Variants in IMMP1L observed in about 807,000 individuals in gnomAD.
IMMP1L encodes the protein inner mitochondrial membrane peptidase subunit 1.
In IMMP1L, 24 loss-of-function variants were observed where a neutral mutation model predicts 21.8. The ratio of observed to expected loss-of-function variants is 1.10; its 90% CI spans 0.80 to 1.55. The LOEUF (loss-of-function observed/expected upper bound fraction) is 1.55. Among genes scored for constraint, IMMP1L ranks in the 40% most tolerant of loss-of-function variants. The pLI is 0.00. For missense variants in IMMP1L, 195 were observed against 200.7 expected (o/e 0.97, Z 0.17); for synonymous variants, 46 against 62.8 (o/e 0.73, Z 1.26).
At chr11:31,474,822 A>G (rs562691770) in intron 1 of IMMP1L, among the ~76,000 whole-genome samples, 3 of 152,304 alleles carry the variant, frequency 2.0e-5, no homozygotes, top group South Asian at 2.1e-4. Flanking sequence ...TGAAAACCTA[A>G]TATCAACCAA....
intron 2 of IMMP1L, among the ~76,000 whole-genome samples, chr11:31,461,309 G>A (rs2133659079): frequency 6.6e-6 from 1 of 152,208 alleles, no homozygotes; most frequent in South Asian, 2.1e-4. Flanking sequence ...AGATTTTCAT[G>A]GCCAGGCATG....
chr11:31,505,060 A>G (rs1337611235), intron 1 of IMMP1L, among the ~76,000 whole-genome samples: 1 of 152,200 alleles, frequency 6.6e-6, no homozygotes, highest in Non-Finnish European at 1.5e-5. Context: ...CCTTCACAGT[A>G]TCTCTGCTAT....
chr11:31,441,140 T>C (rs1340204269), intron 4 of IMMP1L, among the ~76,000 whole-genome samples: 2 of 152,160 alleles, frequency 1.3e-5, no homozygotes, highest in African/African-American at 2.4e-5. Flanking sequence ...CAGTGCATAC[T>C]ATTTAAGTAA....
intron 4 of IMMP1L, among the ~76,000 whole-genome samples, chr11:31,444,175 A>T (rs1953436429): frequency 6.6e-6 from 1 of 152,184 alleles, no homozygotes; most frequent in South Asian, 2.1e-4. Context: ...CCTCATCAAT[A>T]CAACTGAGAC....
intron 1 of IMMP1L, among the ~76,000 whole-genome samples, chr11:31,489,877 A>AT: frequency 6.6e-6 from 1 of 152,316 alleles, no homozygotes; most frequent in South Asian, 2.1e-4. Flanking sequence ...ACAATCTCAC[A>AT]TAATTGGAAG....
At chr11:31,474,670 G>A (rs989925162) in intron 1 of IMMP1L, among the ~76,000 whole-genome samples, 1 of 152,006 alleles carries the variant, frequency 6.6e-6, no homozygotes, top group Non-Finnish European at 1.5e-5. Flanking sequence ...GGGCAATAAA[G>A]CAAGACCCTG....
chr11:31,479,569 T>C (rs930234441), intron 1 of IMMP1L, among the ~76,000 whole-genome samples: 1 of 152,046 alleles, frequency 6.6e-6, no homozygotes, highest in Non-Finnish European at 1.5e-5. Context: ...AGGTGGCCAC[T>C]AGCCTTATGA....
At chr11:31,440,654 G>C (rs1270398461) in intron 4 of IMMP1L, among the ~76,000 whole-genome samples, 1 of 152,158 alleles carries the variant, frequency 6.6e-6, no homozygotes. Context: ...GCCTCCCCAA[G>C]TATTGGGATT....
At chr11:31,482,802 C>T (rs1954942635) in intron 1 of IMMP1L, among the ~76,000 whole-genome samples, 1 of 151,934 alleles carries the variant, frequency 6.6e-6, no homozygotes, top group African/African-American at 2.4e-5. Flanking sequence ...TTGCTTAAAG[C>T]TGAACATATA....
intron 4 of IMMP1L, among the ~76,000 whole-genome samples, chr11:31,443,331 A>G (rs978615039): frequency 2.0e-5 from 3 of 152,222 alleles, no homozygotes; most frequent in Admixed American, 6.5e-5. Flanking sequence ...AGCAGAAGCT[A>G]TAAACAAAAA....
intron 1 of IMMP1L, among the ~76,000 whole-genome samples, chr11:31,493,072 GGA>G (rs1565009372): frequency 2.0e-5 from 3 of 152,070 alleles, no homozygotes; most frequent in Non-Finnish European, 4.4e-5. Flanking sequence ...CTCGATACAG[GGA>G]AGCACAAATA....
chr11:31,459,012 G>C (rs1954047004), intron 3 of IMMP1L, among the ~76,000 whole-genome samples: 4 of 152,156 alleles, frequency 2.6e-5, no homozygotes, highest in Admixed American at 1.3e-4. Flanking sequence ...CTACAGTGGG[G>C]CTAGGTCTCC....
At chr11:31,493,977 T>C (rs1039748661) in intron 1 of IMMP1L, among the ~76,000 whole-genome samples, 1 of 152,210 alleles carries the variant, frequency 6.6e-6, no homozygotes, top group East Asian at 1.9e-4. Flanking sequence ...GCTGCTTTCA[T>C]GGGCTGGCTT....
intron 4 of IMMP1L, among the ~76,000 whole-genome samples, chr11:31,453,618 T>C (rs959578525): frequency 1.3e-5 from 2 of 152,190 alleles, no homozygotes; most frequent in African/African-American, 4.8e-5. Flanking sequence ...CAAACTTGGA[T>C]GAAATTTTGT....
At chr11:31,438,019 G>C (rs1414590359) in intron 4 of IMMP1L, among the ~76,000 whole-genome samples, 1 of 152,154 alleles carries the variant, frequency 6.6e-6, no homozygotes, top group African/African-American at 2.4e-5. Context: ...TTTGGTGCTA[G>C]TAAAAATAAA....
rs78862790 is a variant in IMMP1L, at chr11:31,442,897, A to T, written c.322-9327T>A. 4.6e-3 allele frequency among the ~76,000 whole-genome samples: 700 copies of T among 152,296 alleles called. 8 individuals carry two copies. Among genetic ancestry groups the T allele is most frequent in the African/African-American group, 0.016 (677 of 41,578 alleles). On this transcript the variant is annotated intron_variant, in intron 4 of 5. Transcript: ENST00000532287. Reference sequence around the variant, plus strand: ...GCAACGATACTCTAGTCTCAAAAGTATTTCATTTTGCATGTTTCAAAGATT... The same window carrying T: ...GCAACGATACTCTAGTCTCAAAAGTTTTTCATTTTGCATGTTTCAAAGATT...
At chr11:31,444,692 C>G (rs748155663) in intron 4 of IMMP1L, among the ~76,000 whole-genome samples, 7 of 151,360 alleles carry the variant, frequency 4.6e-5, no homozygotes, top group Non-Finnish European at 1.0e-4. Flanking sequence ...TGGGTTCAAG[C>G]GATTCCCCTG....
chr11:31,463,239 A>G lies in IMMP1L; in HGVS notation c.38T>C (p.Val13Ala). The change falls in exon 2 of 6, where the codon GTT becomes GCT. Residue 13 changes from valine to alanine, a missense_variant. Coordinates refer to ENST00000532287, the MANE Select transcript of IMMP1L (RefSeq NM_001304274.2). ...ACAGCCATATTGAATAGTATAGCCA[A>G]CAAGTCGAAAGGTTTTCCCCAGAAC... ...RGVLGKTFRLVGYTIQYGCIA... is the reference protein window; with the variant it reads ...RGVLGKTFRLAGYTIQYGCIA... 1.2e-6 allele frequency: 2 copies of G among 1,612,912 alleles called. No homozygotes were observed. The highest frequency in any genetic ancestry group is 1.7e-6 in the Non-Finnish European group (2 of 1,179,392).
intron 1 of IMMP1L, chr11:31,477,105 T>C (rs1343080488): frequency 6.6e-6 from 1 of 152,160 alleles, no homozygotes; most frequent in African/African-American, 2.4e-5. Context: ...AATATAGGTG[T>C]CTATATATTT....
Sources: gnomAD v4.1 joint callset for allele counts (sites outside exome capture counted in the v4.1 genomes callset) on GRCh38, gnomAD v4.1.1 for gene constraint, MANE v1.5 for transcripts, NCBI Gene and HGNC (gene_info 2026-07-23, HGNC 2026-07-21) for gene names.